Variants in GPX4 observed in about 807,000 individuals in gnomAD.
GPX4 encodes phospholipid hydroperoxide glutathione peroxidase GPX4.
A neutral mutation model predicts 27.8 loss-of-function variants in GPX4; 28 were observed. The ratio of observed to expected loss-of-function variants is 1.01; its 90% confidence interval spans 0.75 to 1.38. The LOEUF (loss-of-function observed/expected upper bound fraction) is 1.38. GPX4 is among the 40% of genes most tolerant of loss of function. GPX4 has a pLI of 0.00. For missense variants in GPX4, 357 were observed against 274.1 expected, an observed-to-expected ratio of 1.30 and a Z score of -2.14; for synonymous variants, 163 against 107.8, an observed-to-expected ratio of 1.51 and a Z score of -3.17.
At chr19:1,105,064 G>A (rs1329000764) in intron 1 of GPX4, 122 bp from the exon 2 acceptor site, 4 of 1,482,894 alleles carry the variant, frequency 2.7e-6, no homozygotes, top group Non-Finnish European at 3.7e-6. Context: ...GAGCGTTCAG[G>A]TCTTCAGGGC....
In GPX4 at chr19:1,105,584, C is replaced by T; in HGVS notation, c.324+74C>T. Reference sequence around the variant, plus strand: ...GGGGTGGGCTCCAGCCTGGAGAGGGCCTGGGAGTGTGCAGGGGGCCCGGAC... The same window carrying T: ...GGGGTGGGCTCCAGCCTGGAGAGGGTCTGGGAGTGTGCAGGGGGCCCGGAC... On this transcript the variant is annotated intron_variant, in intron 3 of 6. Coordinates refer to ENST00000354171, the MANE Select transcript of GPX4 (RefSeq NM_002085.5). 3 of 1,600,444 alleles carry T rather than the reference C, an allele frequency of 1.9e-6. No homozygotes were observed. The South Asian group carries it at 3.4e-5, about 18-fold the overall frequency.
chr19:1,105,866 G>T, intron 4 of GPX4, 57 bp downstream of exon 4: 3 of 1,456,134 alleles, frequency 2.1e-6, no homozygotes, highest in Non-Finnish European at 2.8e-6. Flanking sequence ...GGGCTGCTGG[G>T]ATGCTCACAC....
intron 1 of GPX4, chr19:1,104,609 C>T (rs900767199): frequency 4.1e-6 from 4 of 985,456 alleles, no homozygotes; most frequent in Non-Finnish European, 4.8e-6. Flanking sequence ...CGCCGCCCCG[C>T]CCCCGCACCT....
In GPX4 at chr19:1,104,002, G is replaced by T. The variant is rs2079618848; in HGVS notation, c.-42G>T. On this transcript the variant is annotated 5_prime_UTR_variant, in exon 1 of 7. Coordinates refer to ENST00000354171, the MANE Select transcript of GPX4 (RefSeq NM_002085.5). ...AAAGCCGACGCGCGTCCATTGGTCG[G>T]CTGGACGAGGGGAGGAGCCGCTGGC... 1 of 1,500,666 alleles carries T rather than the reference G, an allele frequency of 6.7e-7. No individual in the cohort carries two copies. The highest frequency in any genetic ancestry group is 2.1e-5 in the Admixed American group (1 of 48,296). The allele number at this position is 1,500,666 out of a possible 1,614,324, so 93.0% of individuals were successfully genotyped here. A position where few individuals can be genotyped will look rare whatever the true frequency, so the allele number is the denominator to read the frequency against.
At chr19:1,104,997 G>A in intron 1 of GPX4, 189 bp from the exon 2 acceptor site, 2 of 1,464,960 alleles carry the variant, frequency 1.4e-6, no homozygotes, top group African/African-American at 1.4e-5. Context: ...CCCGGCCTCC[G>A]GGTCTCCGGT....
At chr19:1,104,681 C>A in intron 1 of GPX4, 1 of 984,718 alleles carries the variant, frequency 1.0e-6, no homozygotes, top group Non-Finnish European at 1.2e-6. Flanking sequence ...GCCCTTTGTC[C>A]CCGCTAGCGG....
chr19:1,106,267 G>C lies in GPX4; in HGVS notation c.501+1G>C. Reference sequence around the variant, plus strand: ...TGCCATCAAGTGGAACTTCACCAAGGTAAGGGGGCTGTGGGGGGTAGGGGA... The same window carrying C: ...TGCCATCAAGTGGAACTTCACCAAGCTAAGGGGGCTGTGGGGGGTAGGGGA... On this transcript the variant is annotated splice_donor_variant, in intron 5 of 6. Transcript: ENST00000354171. LOFTEE classifies it high-confidence loss of function. 1 of 1,606,036 alleles carries C rather than the reference G, an allele frequency of 6.2e-7. No homozygotes were observed. Among genetic ancestry groups the C allele is most frequent in the Non-Finnish European group, 8.5e-7 (1 of 1,174,838 alleles).
intron 4 of GPX4, 196 bp from the exon 5 acceptor site, chr19:1,106,046 G>C: frequency 1.4e-6 from 1 of 692,892 alleles, no homozygotes; most frequent in East Asian, 2.7e-5. Context: ...GGATGGCTCG[G>C]GGGCCTGTGG....
At chr19:1,105,101 G>T in intron 1 of GPX4, 85 bp from the exon 2 acceptor site, 2 of 1,541,856 alleles carry the variant, frequency 1.3e-6, no homozygotes, top group South Asian at 2.3e-5. Flanking sequence ...CCCCGCCACC[G>T]ACCCGCTCCC....
intron 1 of GPX4, 124 bp from the exon 2 acceptor site, chr19:1,105,062 A>C (rs771121995): frequency 6.8e-7 from 1 of 1,475,094 alleles, no homozygotes; most frequent in Non-Finnish European, 9.2e-7. Context: ...AGGAGCGTTC[A>C]GGTCTTCAGG....
Position 1,105,736 on chromosome 19 carries a change from G to A in GPX4, c.403G>A (p.Val135Met), listed in dbSNP as rs2079642863. ...VKFDMFSKICVNGDDAHPLWK... is the reference protein window; with the variant it reads ...VKFDMFSKICMNGDDAHPLWK... ...ATTCGATATGTTCAGCAAGATCTGCGTGAACGGGGACGACGCCCACCCGCT... is the reference window on the plus strand; with the variant it reads ...ATTCGATATGTTCAGCAAGATCTGCATGAACGGGGACGACGCCCACCCGCT... The change falls in exon 4 of 7, where the codon GTG becomes ATG. Residue 135 changes from valine to methionine, a missense_variant. Val to Met is a conservative substitution (Grantham distance 21). Transcript: ENST00000354171. 1.9e-6 allele frequency: 3 copies of A among 1,604,558 alleles called. No homozygotes were observed. Among genetic ancestry groups the A allele is most frequent in the Non-Finnish European group, 1.7e-6 (2 of 1,175,780 alleles).
intron 4 of GPX4, 40 bp downstream of exon 4, chr19:1,105,849 G>T: frequency 6.7e-7 from 1 of 1,501,284 alleles, no homozygotes; most frequent in Non-Finnish European, 9.0e-7. Context: ...CTGGGGTGGG[G>T]GTGGGGGGGC....
chr19:1,104,170 G>A, intron 1 of GPX4, 43 bp downstream of exon 1: 1 of 1,391,962 alleles, frequency 7.2e-7, no homozygotes, highest in Non-Finnish European at 9.3e-7. Flanking sequence ...TGACCGTTGG[G>A]GCGGGCGCGC....
intron 1 of GPX4, chr19:1,104,496 C>A: frequency 2.4e-6 from 1 of 412,008 alleles, no homozygotes; most frequent in Non-Finnish European, 3.4e-6. Context: ...CGGAGCTGGA[C>A]CGTTGAGGGC....
Position 1,106,242 on chromosome 19 carries a change from T to A in GPX4, c.477T>A (p.Asn159Lys). Residue 159 changes from asparagine (N) to lysine (K), a missense_variant and splice_region_variant, in exon 5 of 7, where the codon AAT becomes AAA. Coordinates refer to ENST00000354171, the MANE Select transcript of GPX4 (RefSeq NM_002085.5). The stretch of plus-strand genomic sequence containing the variant: ...TCACGTCCATGTGCTTCTTTTCCAG[T>A]GCCATCAAGTGGAACTTCACCAAGG... ...IQPKGKGILG[N>K]AIKWNFTKFL... 6.3e-7 allele frequency: 1 copy of A among 1,594,996 alleles called. No homozygotes were observed. The highest frequency in any genetic ancestry group is 8.5e-7 in the Non-Finnish European group (1 of 1,171,842).
intron 3 of GPX4, 45 bp downstream of exon 3, chr19:1,105,555 G>A (rs1340683096): frequency 1.2e-6 from 2 of 1,602,842 alleles, no homozygotes; most frequent in East Asian, 2.2e-5. Context: ...GGTGGGTGGG[G>A]GTCGGGGTGG....
At chr19:1,104,901 T>A in intron 1 of GPX4, 1 of 1,366,302 alleles carries the variant, frequency 7.3e-7, no homozygotes, top group East Asian at 3.0e-5. Flanking sequence ...CGACCGGAGA[T>A]CCACGAATGT....
rs1162013937 is a variant in GPX4, at chr19:1,104,140, C to T, written c.84+13C>T. On this transcript the variant is annotated intron_variant, in intron 1 of 6. Transcript: ENST00000354171. ...GGCCGGGACCATGGTGAGCTAGCGC[C>T]GCGGCCGTTGCCGGCCCGGTGACCG... 1.4e-6 allele frequency: 2 copies of T among 1,450,914 alleles called. No individual in the cohort carries two copies. Among genetic ancestry groups the T allele is most frequent in the South Asian group, 1.4e-5 (1 of 73,834 alleles). The allele number at this position is 1,450,914 out of a possible 1,614,324, so 89.9% of individuals were successfully genotyped here. A position where few individuals can be genotyped will look rare whatever the true frequency, so the allele number is the denominator to read the frequency against.
chr19:1,106,176 G>A (rs745314165), intron 4 of GPX4, 66 bp from the exon 5 acceptor site: 1 of 1,476,066 alleles, frequency 6.8e-7, no homozygotes, highest in Non-Finnish European at 9.2e-7. Flanking sequence ...GCCTCCTGGA[G>A]ACAGGACAGC....
Sources: allele counts gnomAD v4.1 joint callset, GRCh38; gene constraint gnomAD v4.1.1; transcripts MANE v1.5; gene names NCBI Gene and HGNC (gene_info 2026-07-23, HGNC 2026-07-21).